Variants in C3orf52 observed in about 807,000 individuals in gnomAD.
The protein encoded by C3orf52 is TPA-induced transmembrane protein.
A neutral mutation model predicts 24.8 loss-of-function variants in C3orf52; 22 were observed. That is an observed-to-expected ratio of 0.89 (90% confidence interval 0.63 to 1.27). C3orf52 has a LOEUF of 1.27. C3orf52 is among the 50% of genes most tolerant of loss of function. C3orf52 has a pLI of 0.00. For synonymous variants in C3orf52, 93 were observed against 100.2 expected, an observed-to-expected ratio of 0.93 and a Z score of 0.43; for missense variants, 265 against 260.7, an observed-to-expected ratio of 1.02 and a Z score of -0.11.
intron 3 of C3orf52, among the ~76,000 whole-genome samples, chr3:112,105,383 G>T (rs2107783886): frequency 6.6e-6 from 1 of 152,280 alleles, no homozygotes; most frequent in African/African-American, 2.4e-5. Flanking sequence ...GCACCTAAAG[G>T]TATTGCTGTC....
chr3:112,114,137 G>A (rs2074112313), intron 5 of C3orf52, among the ~76,000 whole-genome samples: 1 of 152,156 alleles, frequency 6.6e-6, no homozygotes, highest in Non-Finnish European at 1.5e-5. Flanking sequence ...AAGCACAAGT[G>A]TTAGTGCATA....
At chr3:112,136,176 A>T in the C3orf52 span, among the ~76,000 whole-genome samples, 1 of 152,220 alleles carries the variant, frequency 6.6e-6, no homozygotes, top group Admixed American at 6.5e-5. Context: ...GATAAACGCT[A>T]TGTGACAAAT....
intron 3 of C3orf52, among the ~76,000 whole-genome samples, chr3:112,109,181 T>A (rs2074054683): frequency 6.6e-6 from 1 of 152,094 alleles, no homozygotes; most frequent in South Asian, 2.1e-4. Flanking sequence ...AGGTGCTAAG[T>A]GGTCTGTGCT....
intron 5 of C3orf52, among the ~76,000 whole-genome samples, chr3:112,113,718 A>G (rs1243604036): frequency 6.6e-6 from 1 of 152,242 alleles, no homozygotes; most frequent in Non-Finnish European, 1.5e-5. Flanking sequence ...TAAGAACAGA[A>G]CAAGGAAATA....
chr3:112,134,750 A>G (rs888491571), downstream of C3orf52: 6 of 153,470 alleles, frequency 3.9e-5, no homozygotes, highest in African/African-American at 1.4e-4. Flanking sequence ...CATTGAGTGA[A>G]TTGCTAAATA....
intron 4 of C3orf52, among the ~76,000 whole-genome samples, chr3:112,110,816 G>A (rs949280542): frequency 1.3e-5 from 2 of 152,172 alleles, no homozygotes; most frequent in Admixed American, 6.5e-5. Flanking sequence ...GGGAGGGGAG[G>A]CACATAAAGC....
chr3:112,107,886 A>T (rs1199161326), intron 3 of C3orf52, among the ~76,000 whole-genome samples: 1 of 152,228 alleles, frequency 6.6e-6, no homozygotes, highest in East Asian at 1.9e-4. Context: ...GTGGAAGTGC[A>T]GCGTCCTTGA....
At position 112,116,836 on chromosome 3, in the gene C3orf52, C is replaced by T. The variant is rs987894779; in HGVS notation, c.*190C>T. 2 of 1,537,794 alleles carry T rather than the reference C, an allele frequency of 1.3e-6. No individual in the cohort carries two copies. Among genetic ancestry groups the T allele is most frequent in the Non-Finnish European group, 1.7e-6 (2 of 1,146,916 alleles). The stretch of plus-strand genomic sequence containing the variant: ...TAAGCCCAGTAAAACAGCTCCCGAG[C>T]ACTGCTTCAGCTGGGTCCAGTCTTG... On this transcript the variant is annotated 3_prime_UTR_variant, in exon 6 of 6. Coordinates refer to ENST00000264848, the MANE Select transcript of C3orf52 (RefSeq NM_024616.3).
intron 3 of C3orf52, among the ~76,000 whole-genome samples, chr3:112,104,169 G>T (rs539983474): frequency 4.6e-5 from 7 of 152,296 alleles, no homozygotes; most frequent in African/African-American, 1.7e-4. Flanking sequence ...AGCTCCAGTT[G>T]AGTGATTGGG....
chr3:112,108,173 A>G (rs1369544367), intron 3 of C3orf52, among the ~76,000 whole-genome samples: 1 of 152,210 alleles, frequency 6.6e-6, no homozygotes, highest in Non-Finnish European at 1.5e-5. Context: ...AAAAAGACAG[A>G]TAAGCCAAGA....
chr3:112,087,121 C>A (rs976165648), intron 1 of C3orf52, among the ~76,000 whole-genome samples: 1 of 137,304 alleles, frequency 7.3e-6, no homozygotes, highest in Non-Finnish European at 1.6e-5. Flanking sequence ...GGAGAGAAAG[C>A]GGTCAGAAGG....
At chr3:112,111,714 G>A (rs954381444) in intron 4 of C3orf52, 7 of 152,240 alleles carry the variant, frequency 4.6e-5, no homozygotes, top group Admixed American at 2.0e-4. Context: ...CTGTGTAGGT[G>A]TTGATCATCA....
At chr3:112,125,252 C>G (rs1369451122) in intron 4 of C3orf52, 3 of 1,576,528 alleles carry the variant, frequency 1.9e-6, no homozygotes, top group Non-Finnish European at 2.6e-6. Flanking sequence ...GACATTCTTT[C>G]ATCTGGAGAA....
intron 5 of C3orf52, 48 bp from the exon 6 acceptor site, chr3:112,116,594 G>A (rs1288342642): frequency 1.4e-6 from 2 of 1,445,326 alleles, no homozygotes; most frequent in African/African-American, 2.8e-5. Flanking sequence ...GCATTTAATA[G>A]TGGTTTTAAA....
At chr3:112,126,388 T>C (rs1270333939) in intron 4 of C3orf52, among the ~76,000 whole-genome samples, 2 of 152,196 alleles carry the variant, frequency 1.3e-5, no homozygotes, top group Non-Finnish European at 2.9e-5. Context: ...TTTTTAGGTG[T>C]GATACAATTC....
intron 2 of C3orf52, among the ~76,000 whole-genome samples, chr3:112,101,355 G>T (rs569950419): frequency 6.6e-6 from 1 of 152,334 alleles, no homozygotes; most frequent in East Asian, 1.9e-4. Context: ...GATAGGCTGT[G>T]ACAACACATG....
chr3:112,095,828 G>A (rs2073920909), intron 2 of C3orf52, among the ~76,000 whole-genome samples: 1 of 152,048 alleles, frequency 6.6e-6, no homozygotes, highest in African/African-American at 2.4e-5. Flanking sequence ...TGGGGCAGGG[G>A]CTCCCTTCTG....
downstream of C3orf52, chr3:112,130,211 C>A: frequency 1.8e-6 from 1 of 550,148 alleles, no homozygotes. Flanking sequence ...CAGGGACTAG[C>A]AGGGTCTTAG....
chr3:112,123,674 G>A, intron 4 of C3orf52: 1 of 1,614,160 alleles, frequency 6.2e-7, no homozygotes, highest in Non-Finnish European at 8.5e-7. Context: ...CATTCTCATA[G>A]TACTCTTCAG....
Sources: gnomAD v4.1 joint callset for allele counts (sites outside exome capture counted in the v4.1 genomes callset) on GRCh38, gnomAD v4.1.1 for gene constraint, MANE v1.5 for transcripts, NCBI Gene and HGNC (gene_info 2026-07-23, HGNC 2026-07-21) for gene names.